Variants in TGFB2 observed in about 807,000 individuals in gnomAD.
TGFB2 encodes transforming growth factor beta-2 proprotein.
In TGFB2, 13 loss-of-function variants were observed where a neutral mutation model predicts 42.7. The observed-to-expected ratio is 0.30, with a 90% CI of 0.20 to 0.48. The LOEUF is 0.48. Among genes scored for constraint, TGFB2 ranks in the 20% least tolerant of loss-of-function variants. The pLI is 0.99. For synonymous variants in TGFB2, 193 were observed against 193.6 expected (o/e 1.00, Z 0.03); for missense variants, 390 against 517.5 (o/e 0.75, Z 2.39).
intron 1 of TGFB2, among the ~76,000 whole-genome samples, chr1:218,388,631 G>A (rs564746780): frequency 2.6e-5 from 4 of 152,264 alleles, no homozygotes; most frequent in South Asian, 2.1e-4. Flanking sequence ...GAAGGTCACC[G>A]TATGTCGGGA....
At chr1:218,419,020 A>G (rs1659369666) in intron 2 of TGFB2, among the ~76,000 whole-genome samples, 2 of 152,212 alleles carry the variant, frequency 1.3e-5, no homozygotes, top group African/African-American at 2.4e-5. Flanking sequence ...TGTTTACAGC[A>G]TAGCAATCAA....
At chr1:218,420,797 A>C (rs1175242478) in intron 2 of TGFB2, among the ~76,000 whole-genome samples, 1 of 152,216 alleles carries the variant, frequency 6.6e-6, no homozygotes, top group African/African-American at 2.4e-5. Context: ...AAAGCGAAAG[A>C]GTTCACGTAG....
rs368889178 is a variant in TGFB2 at position 218,361,722 on chromosome 1, TTGTC to T, written c.346+14678_346+14681del. ...AAGGTCAGATACGAATGAGAAAACT[TTGTC>T]TGACTTGTTAATCTTGTGACAAACC... is the stretch of plus-strand genomic sequence containing the variant. On this transcript the variant is annotated intron_variant, in intron 1 of 6. Transcript: ENST00000366930. 1.3e-4 allele frequency among the ~76,000 whole-genome samples: 20 copies of T among 152,334 alleles called. No individual in the cohort carries two copies. The East Asian group carries it at 3.1e-3, about 23-fold the overall frequency.
intron 1 of TGFB2, among the ~76,000 whole-genome samples, chr1:218,358,798 TC>T (rs1007937123): frequency 6.6e-6 from 1 of 152,074 alleles, no homozygotes; most frequent in Admixed American, 6.6e-5. Context: ...TGCCTTGGCC[TC>T]CCAAAGTGCT....
chr1:218,353,857 T>C (rs1656947861), intron 1 of TGFB2, among the ~76,000 whole-genome samples: 1 of 152,062 alleles, frequency 6.6e-6, no homozygotes, highest in African/African-American at 2.4e-5. Context: ...CCCGCTGTCC[T>C]CCAGCCTGGG....
Position 218,346,929 on chromosome 1 carries a change from C to T in TGFB2, c.228C>T (p.Asp76=). 2 of 1,614,220 alleles carry T rather than the reference C, an allele frequency of 1.2e-6. No individual in the cohort carries two copies. Among genetic ancestry groups the T allele is most frequent in the East Asian group, 4.5e-5 (2 of 44,874 alleles). The change falls in exon 1 of 7, where the codon GAC becomes GAT. Residue 76 remains aspartate (D), a synonymous_variant. Coordinates refer to ENST00000366930, the MANE Select transcript of TGFB2 (RefSeq NM_003238.6). This position sits in a 1 kb window ranked among gnomAD's most constrained non-coding sequence, Gnocchi z 4.9. Reference sequence around the variant, plus strand: ...TTTCCATCTACAACAGCACCAGGGACTTGCTCCAGGAGAAGGCGAGCCGGA... The same window carrying T: ...TTTCCATCTACAACAGCACCAGGGATTTGCTCCAGGAGAAGGCGAGCCGGA... ...EVISIYNSTR[D]LLQEKASRRA...
At chr1:218,440,368 G>A (rs942041894) in intron 6 of TGFB2, among the ~76,000 whole-genome samples, 1 of 150,400 alleles carries the variant, frequency 6.6e-6, no homozygotes, top group African/African-American at 2.5e-5. Context: ...AATGAAAATT[G>A]AGGATACCTT....
rs145736301 is a variant in TGFB2 at position 218,370,780 on chromosome 1, A to T, written c.346+23733A>T. Among the ~76,000 whole-genome samples the T allele has an allele frequency of 6.8e-4, 104 of 152,274 alleles. 1 individual carries two copies. The highest frequency in any genetic ancestry group is 2.4e-3 in the African/African-American group (101 of 41,544). ...CCCCTAACCCAGGCATGCTGACCTCATGGCAGAACCAGGAGATGTGGCAGT... is the reference window on the plus strand; with the variant it reads ...CCCCTAACCCAGGCATGCTGACCTCTTGGCAGAACCAGGAGATGTGGCAGT... On this transcript the variant is annotated intron_variant, in intron 1 of 6. Coordinates refer to ENST00000366930, the MANE Select transcript of TGFB2 (RefSeq NM_003238.6).
intron 2 of TGFB2, among the ~76,000 whole-genome samples, chr1:218,430,217 A>C (rs1259035644): frequency 6.6e-6 from 1 of 151,922 alleles, no homozygotes; most frequent in South Asian, 2.1e-4. Flanking sequence ...ACATGGCAAA[A>C]CCCCGTCTCT....
intron 1 of TGFB2, among the ~76,000 whole-genome samples, chr1:218,353,004 GTCT>G (rs1416856649): frequency 6.6e-6 from 1 of 152,140 alleles, no homozygotes; most frequent in African/African-American, 2.4e-5. Flanking sequence ...CATGGAGTAG[GTCT>G]TCTTTGCCTG....
chr1:218,396,872 C>A (rs766647461), intron 1 of TGFB2, among the ~76,000 whole-genome samples: 13 of 152,230 alleles, frequency 8.5e-5, no homozygotes, highest in Admixed American at 2.6e-4. Flanking sequence ...ACTACTACTG[C>A]AAATCATAGA....
At chr1:218,379,299 AT>A (rs1401835075) in intron 1 of TGFB2, among the ~76,000 whole-genome samples, 4 of 151,062 alleles carry the variant, frequency 2.6e-5, no homozygotes, top group Admixed American at 6.6e-5. Context: ...CACCTGGCTA[AT>A]TTTTTTGTAT....
chr1:218,432,267 G>A (rs10482795), intron 2 of TGFB2, among the ~76,000 whole-genome samples: 57,031 of 151,996 alleles, frequency 0.38, 11,610 homozygotes, highest in East Asian at 0.71. Flanking sequence ...AGCCCAGAGC[G>A]TAGTGTACCC....
chr1:218,385,187 A>C (rs1230695406), intron 1 of TGFB2, among the ~76,000 whole-genome samples: 1 of 152,162 alleles, frequency 6.6e-6, no homozygotes, highest in African/African-American at 2.4e-5. Context: ...GATGTACCTC[A>C]AAAGTTGTTT....
intron 2 of TGFB2, among the ~76,000 whole-genome samples, chr1:218,409,229 T>C (rs1284482934): frequency 6.6e-6 from 1 of 152,216 alleles, no homozygotes; most frequent in Non-Finnish European, 1.5e-5. Flanking sequence ...CATGGACCTG[T>C]ACCGTCCAGG....
chr1:218,393,115 C>T (rs1005297565), intron 1 of TGFB2, among the ~76,000 whole-genome samples: 1 of 152,226 alleles, frequency 6.6e-6, no homozygotes, highest in African/African-American at 2.4e-5. Flanking sequence ...AATAATGACC[C>T]GCTACACCCA....
At chr1:218,408,413 C>T (rs986897973) in intron 2 of TGFB2, among the ~76,000 whole-genome samples, 1 of 152,162 alleles carries the variant, frequency 6.6e-6, no homozygotes, top group Non-Finnish European at 1.5e-5. Flanking sequence ...GAAAGAGGAA[C>T]GGCCCAAGAT....
chr1:218,433,332 G>A (rs1481865646), intron 2 of TGFB2, among the ~76,000 whole-genome samples: 1 of 152,168 alleles, frequency 6.6e-6, no homozygotes, highest in Non-Finnish European at 1.5e-5. Flanking sequence ...CTCCCAAAGT[G>A]CTGGGATTAC....
At chr1:218,353,275 G>A (rs879409812) in intron 1 of TGFB2, among the ~76,000 whole-genome samples, 3 of 152,170 alleles carry the variant, frequency 2.0e-5, no homozygotes, top group Non-Finnish European at 2.9e-5. Context: ...TGCTCACTCA[G>A]TTTGTTCCTT....
Sources: allele counts gnomAD v4.1 joint callset (sites outside exome capture counted in the v4.1 genomes callset), GRCh38; gene constraint gnomAD v4.1.1; non-coding constraint Gnocchi (gnomAD v3.1); transcripts MANE v1.5; gene names NCBI Gene and HGNC (gene_info 2026-07-23, HGNC 2026-07-21).